MAMDC2: variants seen among roughly 807,000 people sequenced by gnomAD.
The protein encoded by MAMDC2 is MAM domain containing 2.
Under a neutral mutation model 89.8 loss-of-function variants are expected in MAMDC2, and 57 were observed. The ratio of observed to expected loss-of-function variants is 0.63; its 90% CI spans 0.51 to 0.79. MAMDC2 has a LOEUF of 0.79. Ranked by LOEUF, MAMDC2 falls within the 30% of genes least tolerant of loss-of-function variation. The probability of loss-of-function intolerance (pLI) is 0.00; values close to 1 mark genes in which losing one functional copy is unlikely to be tolerated. For missense variants in MAMDC2, 800 were observed against 820.6 expected (o/e 0.97, Z 0.31); for synonymous variants, 313 against 293.4 (o/e 1.07, Z -0.68).
intron 2 of MAMDC2, among the ~76,000 whole-genome samples, chr9:70,103,461 A>G (rs1828248730): frequency 6.6e-6 from 1 of 152,178 alleles, no homozygotes; most frequent in South Asian, 2.1e-4. Flanking sequence ...GATTTCAACA[A>G]TGGTGGCAAG....
At chr9:70,113,756 T>A (rs1221402938) in intron 5 of MAMDC2, 1 of 152,500 alleles carries the variant, frequency 6.6e-6, no homozygotes, top group African/African-American at 2.4e-5. Context: ...TGCTCTCACC[T>A]GGACCCTGGT....
intron 11 of MAMDC2, among the ~76,000 whole-genome samples, chr9:70,182,374 T>C (rs1485658874): frequency 2.0e-5 from 3 of 152,202 alleles, no homozygotes; most frequent in Non-Finnish European, 2.9e-5. Flanking sequence ...CCTCATAAAA[T>C]GAATTAGGGA....
chr9:70,136,508 C>T (rs576847599), intron 7 of MAMDC2, among the ~76,000 whole-genome samples: 13 of 152,252 alleles, frequency 8.5e-5, no homozygotes, highest in Non-Finnish European at 1.5e-4. Context: ...TAAACTTTCA[C>T]GTTTTTATGC....
At chr9:70,091,336 G>A (rs1055568966) in intron 2 of MAMDC2, among the ~76,000 whole-genome samples, 2 of 152,140 alleles carry the variant, frequency 1.3e-5, no homozygotes, top group African/African-American at 2.4e-5. Flanking sequence ...AGCTGGACAT[G>A]TGCAAAGCCT....
chr9:70,161,246 C>T lies in MAMDC2; in HGVS notation c.1405-7456C>T, dbSNP rs73647417. On this transcript the variant is annotated intron_variant, in intron 9 of 13. Transcript: ENST00000377182. ...CCATCCAAATAGCAATGAAAAAGTT[C>T]AGCTACAGGCCTGTATTCTATCACA... is the stretch of plus-strand genomic sequence containing the variant. Among the ~76,000 whole-genome samples, 845 of 152,236 alleles carry T rather than the reference C, an allele frequency of 5.6e-3. 6 individuals are homozygous for T. Among genetic ancestry groups the T allele is most frequent in the African/African-American group, 0.02 (811 of 41,530 alleles).
rs144294515 is a variant in MAMDC2 at position 70,045,225 on chromosome 9, T to G, written c.148+528T>G. On this transcript the variant is annotated intron_variant, in intron 2 of 13. Transcript: ENST00000377182. ...ATGATTTCATCCTCACACTCCTGTT[T>G]GTAATCCTGCCCTGGACAAAAGAAA... is the stretch of plus-strand genomic sequence containing the variant. Among the ~76,000 whole-genome samples, 3 of 152,308 alleles carry G rather than the reference T, an allele frequency of 2.0e-5. No homozygotes were observed. The South Asian group carries it at 6.2e-4, about 32-fold the overall frequency.
chr9:70,066,669 AAGGAAAAGCTATCTTTTTCT>A (rs1827273669), intron 2 of MAMDC2, among the ~76,000 whole-genome samples: 1 of 152,124 alleles, frequency 6.6e-6, no homozygotes, highest in African/African-American at 2.4e-5. Context: ...TGCCAGCCAA[AAGGAAAAGCTATCTTTTTCT>A]AATTGGCATC....
intron 11 of MAMDC2, among the ~76,000 whole-genome samples, chr9:70,211,091 C>T (rs566397333): frequency 9.2e-5 from 14 of 152,272 alleles, no homozygotes; most frequent in African/African-American, 2.6e-4. Context: ...GTGAATCTGA[C>T]AATTATGTGT....
chr9:70,184,006 C>T (rs1183767254), intron 11 of MAMDC2, among the ~76,000 whole-genome samples: 1 of 152,154 alleles, frequency 6.6e-6, no homozygotes, highest in Admixed American at 6.5e-5. Flanking sequence ...TACGTATTTG[C>T]AGTAGCTGGT....
intron 9 of MAMDC2, among the ~76,000 whole-genome samples, chr9:70,148,422 C>T (rs1423717292): frequency 6.7e-6 from 1 of 150,260 alleles, no homozygotes; most frequent in Non-Finnish European, 1.5e-5. Context: ...TTTTAAACCC[C>T]AAGTCTGCCA....
intron 12 of MAMDC2, among the ~76,000 whole-genome samples, chr9:70,221,407 A>AGAGAGAGAGAGAGAGAGT (rs1491076799): frequency 8.3e-6 from 1 of 119,900 alleles, no homozygotes; most frequent in African/African-American, 3.2e-5. Context: ...AGAGAGAGAG[A>AGAGAGAGAGAGAGAGAGT]GTAACATCAG....
chr9:70,055,672 T>C (rs1042787976), intron 2 of MAMDC2, among the ~76,000 whole-genome samples: 1 of 152,196 alleles, frequency 6.6e-6, no homozygotes, highest in African/African-American at 2.4e-5. Flanking sequence ...AGGCATCAAG[T>C]AGAGACAGAG....
At chr9:70,093,715 A>G (rs1417311967) in intron 2 of MAMDC2, 1 of 152,104 alleles carries the variant, frequency 6.6e-6, no homozygotes, top group Non-Finnish European at 1.5e-5. Flanking sequence ...TACAGGCATA[A>G]GCCACCGCAC....
chr9:70,220,368 C>T (rs1314477796), intron 12 of MAMDC2, among the ~76,000 whole-genome samples: 1 of 152,122 alleles, frequency 6.6e-6, no homozygotes, highest in Non-Finnish European at 1.5e-5. Flanking sequence ...ACTTCCAGCT[C>T]ACAGTCTGGG....
At chr9:70,155,241 A>G (rs925436260) in intron 9 of MAMDC2, among the ~76,000 whole-genome samples, 2 of 152,074 alleles carry the variant, frequency 1.3e-5, no homozygotes, top group African/African-American at 4.8e-5. Context: ...CATCCCAGAT[A>G]TTCAGGTCTA....
At chr9:70,058,620 C>T (rs72709200) in intron 2 of MAMDC2, among the ~76,000 whole-genome samples, 12,413 of 152,144 alleles carry the variant, frequency 0.082, 725 homozygotes, top group East Asian at 0.21. Flanking sequence ...AGATCCTAGG[C>T]AGCAGGGCTA....
At chr9:70,144,306 A>C (rs1300362992) in intron 9 of MAMDC2, among the ~76,000 whole-genome samples, 1 of 152,212 alleles carries the variant, frequency 6.6e-6, no homozygotes, top group Non-Finnish European at 1.5e-5. Flanking sequence ...GAAGCTCATT[A>C]AAAAATATAG....
intron 2 of MAMDC2, among the ~76,000 whole-genome samples, chr9:70,060,890 A>T (rs775324912): frequency 2.1e-4 from 32 of 152,184 alleles, no homozygotes; most frequent in Non-Finnish European, 4.3e-4. Flanking sequence ...TGGTACTCAA[A>T]CTTCAGGTAA....
Position 70,044,003 on chromosome 9 carries a change from C to T in MAMDC2, c.-195C>T. 1 of 644,006 alleles carries T rather than the reference C, an allele frequency of 1.6e-6. No individual in the cohort carries two copies. Among genetic ancestry groups the T allele is most frequent in the South Asian group, 1.9e-5 (1 of 52,564 alleles). The allele number at this position is 644,006 out of a possible 1,614,324, so 39.9% of individuals were successfully genotyped here. ...GCGCTGGCGCTCTCCATTCGAGCACCTTCCAGCATACCGCTCGGCTCCGGG... is the reference window on the plus strand; with the variant it reads ...GCGCTGGCGCTCTCCATTCGAGCACTTTCCAGCATACCGCTCGGCTCCGGG... On this transcript the variant is annotated 5_prime_UTR_variant, in exon 1 of 14. Coordinates refer to ENST00000377182, the MANE Select transcript of MAMDC2 (RefSeq NM_153267.5).
Sources: allele counts gnomAD v4.1 joint callset (sites outside exome capture counted in the v4.1 genomes callset), GRCh38; gene constraint gnomAD v4.1.1; transcripts MANE v1.5; gene names NCBI Gene and HGNC (gene_info 2026-07-23, HGNC 2026-07-21).